IL10RB: variants seen among roughly 807,000 people sequenced by gnomAD.
IL10RB encodes the protein interleukin-10 receptor subunit beta.
Under a neutral mutation model 38.7 loss-of-function variants are expected in IL10RB, and 30 were observed. The ratio of observed to expected loss-of-function variants is 0.78; its 90% CI spans 0.58 to 1.05. The LOEUF is 1.05. IL10RB is among the 50% of genes least tolerant of loss of function. The pLI is 0.00. For synonymous variants in IL10RB, 142 were observed against 145.9 expected (o/e 0.97, Z 0.19); for missense variants, 328 against 397.1 (o/e 0.83, Z 1.48).
In IL10RB at chr21:33,279,999, G is replaced by T. The variant is rs528482516; in HGVS notation, c.498+81G>T. ...TCTTGCAAGGTGGCAGCACCTTATG[G>T]ACTGGTCCTCTGTAAGCCAAGAGCT... is the stretch of plus-strand genomic sequence containing the variant. On this transcript the variant is annotated intron_variant, in intron 4 of 6. Coordinates refer to ENST00000290200, the MANE Select transcript of IL10RB (RefSeq NM_000628.5). 4.7e-6 allele frequency: 6 copies of T among 1,270,322 alleles called. No individual in the cohort carries two copies. The East Asian group carries it at 1.2e-4, about 25-fold the overall frequency. 78.7% of individuals were successfully genotyped at this position (1,270,322 alleles called of 1,614,324 possible). A position where few individuals can be genotyped will look rare whatever the true frequency, so the allele number is the denominator to read the frequency against.
chr21:33,288,008 G>A, intron 5 of IL10RB, 96 bp from the exon 6 acceptor site: 2 of 1,178,786 alleles, frequency 1.7e-6, no homozygotes, highest in Non-Finnish European at 2.5e-6. Context: ...TAAACGTACA[G>A]GCTCTGTTTT....
chr21:33,308,356 T>A (rs2123617669), intron 1 of IL10RB: 1 of 152,340 alleles, frequency 6.6e-6, no homozygotes, highest in South Asian at 2.1e-4. Flanking sequence ...TCCTGAAAGA[T>A]TCTAAACTTC....
intron 5 of IL10RB, among the ~76,000 whole-genome samples, chr21:33,287,110 C>T (rs77106984): frequency 6.6e-6 from 1 of 152,000 alleles, no homozygotes. Flanking sequence ...AATATCCCTG[C>T]GTTGTGGGAG....
rs115663106 is a variant in IL10RB at position 33,284,288 on chromosome 21, C to T, written c.646+1047C>T. On this transcript the variant is annotated intron_variant, in intron 5 of 6. Transcript: ENST00000290200. ...TCCAGCCTAAGCAATAAGAGTGAGACCCTGCCTCAAAAAAAAAAAAAAAAG... is the reference window on the plus strand; with the variant it reads ...TCCAGCCTAAGCAATAAGAGTGAGATCCTGCCTCAAAAAAAAAAAAAAAAG... Among the ~76,000 whole-genome samples the T allele has an allele frequency of 6.6e-3, 882 of 133,000 alleles. 7 individuals carry two copies. The highest frequency in any genetic ancestry group is 0.026 in the African/African-American group (826 of 31,792). The allele number at this position is 133,000 out of a possible 152,430, so 87.3% of individuals were successfully genotyped here. A position where few individuals can be genotyped will look rare whatever the true frequency, so the allele number is the denominator to read the frequency against.
chr21:33,288,355 T>G, intron 6 of IL10RB, 94 bp downstream of exon 6: 5 of 1,099,726 alleles, frequency 4.5e-6, no homozygotes, highest in Non-Finnish European at 6.9e-6. Context: ...ACAACATGTT[T>G]TCCAGGAAAA....
downstream of IL10RB, among the ~76,000 whole-genome samples, chr21:33,299,274 T>G (rs139198013): frequency 2.0e-5 from 3 of 152,282 alleles, no homozygotes; most frequent in East Asian, 5.8e-4. Flanking sequence ...CTTGGGTATT[T>G]CCCCAGACAA....
chr21:33,290,483 C>T (rs1169258361), intron 6 of IL10RB, among the ~76,000 whole-genome samples: 1 of 152,190 alleles, frequency 6.6e-6, no homozygotes, highest in Non-Finnish European at 1.5e-5. Context: ...CCTAGACCCA[C>T]AGAGCCTCAA....
chr21:33,268,475 C>T lies in IL10RB; in HGVS notation c.131C>T (p.Ala44Val), dbSNP rs182073431. 223 of 1,614,120 alleles carry T rather than the reference C, an allele frequency of 1.4e-4. 1 individual carries two copies. The East Asian group carries it at 4.5e-3, about 32-fold the overall frequency. ...AACATTCTACAGTGGGAGTCACCTG[C>T]TTTTGCCAAAGGGAACCTGACTTTC... ...FKNILQWESPAFAKGNLTFTA... is the reference protein window; with the variant it reads ...FKNILQWESPVFAKGNLTFTA... Residue 44 changes from alanine to valine, a missense_variant, in exon 2 of 7, where the codon GCT (alanine) becomes GTT (valine). Coordinates refer to ENST00000290200, the MANE Select transcript of IL10RB (RefSeq NM_000628.5).
At chr21:33,300,733 G>A (rs2082983896), downstream of IL10RB, among the ~76,000 whole-genome samples, 1 of 152,182 alleles carries the variant, frequency 6.6e-6, no homozygotes, top group Admixed American at 6.5e-5. Context: ...CTTCCACCAT[G>A]TGAGGACACA....
At position 33,296,209 on chromosome 21, in the gene IL10RB, C is replaced by T. The variant is rs756566292; in HGVS notation, c.830C>T (p.Thr277Ile). ...KEFLGHPHHN[T>I]LLFFSFPLSD... The stretch of plus-strand genomic sequence containing the variant: ...TTTTTGGGCCATCCTCATCATAACA[C>T]ACTTCTGTTTTTCTCCTTTCCATTG... Residue 277 changes from threonine to isoleucine, a missense_variant, in exon 7 of 7, where the codon ACA becomes ATA. Physicochemically the swap from Thr to Ile is moderately conservative, Grantham distance 89. Coordinates refer to ENST00000290200, the MANE Select transcript of IL10RB (RefSeq NM_000628.5). 6.2e-7 allele frequency: 1 copy of T among 1,614,020 alleles called. No homozygotes were observed. Among genetic ancestry groups the T allele is most frequent in the Non-Finnish European group, 8.5e-7 (1 of 1,179,850 alleles).
At chr21:33,285,460 G>A (rs913313867) in intron 5 of IL10RB, among the ~76,000 whole-genome samples, 1 of 152,156 alleles carries the variant, frequency 6.6e-6, no homozygotes, top group Non-Finnish European at 1.5e-5. Context: ...AACTTTACAC[G>A]GAGGATGTAG....
At chr21:33,300,995 C>A (rs1426262914), downstream of IL10RB, among the ~76,000 whole-genome samples, 2 of 152,182 alleles carry the variant, frequency 1.3e-5, no homozygotes, top group Non-Finnish European at 2.9e-5. Context: ...CTGACCAGTT[C>A]TAATATCTTC....
intron 6 of IL10RB, 134 bp downstream of exon 6, chr21:33,288,395 A>C: frequency 5.7e-6 from 4 of 703,798 alleles, no homozygotes; most frequent in Non-Finnish European, 1.0e-5. Context: ...ACACACACAC[A>C]CACACACACA....
At position 33,288,109 on chromosome 21, in the gene IL10RB, G is replaced by A. The variant is rs776085475; in HGVS notation, c.652G>A (p.Val218Ile). Residue 218 changes from valine (V) to isoleucine (I), a missense_variant, in exon 6 of 7, where the codon GTC becomes ATC. Physicochemically the swap from Val to Ile is conservative, Grantham distance 29 (BLOSUM62 3). Transcript: ENST00000290200. ...VCEQTTHDET[V>I]PSWMVAVILM... is the part of the protein sequence containing the mutation. ...ATGCCCATTACCCCTGGCAGAAACG[G>A]TCCCCTCCTGGATGGTGGCCGTCAT... is the stretch of plus-strand genomic sequence containing the variant. 1 of 1,614,056 alleles carries A rather than the reference G, an allele frequency of 6.2e-7. No homozygotes were observed. The highest frequency in any genetic ancestry group is 1.7e-5 in the Admixed American group (1 of 60,004).
At chr21:33,282,026 T>C (rs1343691412) in intron 4 of IL10RB, among the ~76,000 whole-genome samples, 2 of 152,226 alleles carry the variant, frequency 1.3e-5, no homozygotes, top group East Asian at 3.9e-4. Context: ...TGTAAGGTTT[T>C]AGAGGCACTG....
downstream of IL10RB, among the ~76,000 whole-genome samples, chr21:33,300,345 G>A (rs2082982585): frequency 6.6e-6 from 1 of 151,860 alleles, no homozygotes; most frequent in Non-Finnish European, 1.5e-5. Context: ...GGAGGCTGAG[G>A]CAGAAGAATT....
At chr21:33,276,501 C>A (rs1374574181) in intron 2 of IL10RB, 95 bp from the exon 3 acceptor site, 3 of 940,690 alleles carry the variant, frequency 3.2e-6, no homozygotes, top group East Asian at 2.4e-5. Flanking sequence ...AGTTTCCACT[C>A]CCGCGCCGCC....
intron 6 of IL10RB, among the ~76,000 whole-genome samples, chr21:33,291,816 C>T (rs1002323575): frequency 2.0e-5 from 3 of 152,198 alleles, no homozygotes; most frequent in African/African-American, 7.2e-5. Flanking sequence ...ATATCAGGGG[C>T]TCAGCATTGA....
chr21:33,305,501 A>C (rs995050549), intron 1 of IL10RB, among the ~76,000 whole-genome samples: 1 of 152,202 alleles, frequency 6.6e-6, no homozygotes, highest in Admixed American at 6.5e-5. Context: ...TCAGAGTCCT[A>C]ACGGGAAACC....
Sources: gnomAD v4.1 joint callset for allele counts (sites outside exome capture counted in the v4.1 genomes callset) on GRCh38, gnomAD v4.1.1 for gene constraint, MANE v1.5 for transcripts, NCBI Gene and HGNC (gene_info 2026-07-23, HGNC 2026-07-21) for gene names.